RSF1: variants seen among roughly 807,000 people sequenced by gnomAD.
RSF1 encodes the protein HBV pX-associated protein 8.
RSF1 carries 13 observed loss-of-function variants against 145.2 expected under a neutral mutation model. The observed-to-expected ratio is 0.09, with a 90% CI of 0.06 to 0.14. The LOEUF (loss-of-function observed/expected upper bound fraction) is 0.14, where lower values mean the gene tolerates loss of function less well. RSF1 is among the 10% of genes least tolerant of loss of function. RSF1 has a pLI of 1.00. For synonymous variants in RSF1, 577 were observed against 592.6 expected (o/e 0.97, Z 0.38); for missense variants, 1,517 against 1,718.2 (o/e 0.88, Z 2.07).
the RSF1 span, among the ~76,000 whole-genome samples, chr11:77,827,510 T>C: frequency 6.6e-4 from 100 of 152,294 alleles, no homozygotes; most frequent in African/African-American, 2.4e-3. Flanking sequence ...TTGTAATATA[T>C]TTACAGAATA....
chr11:77,820,002 G>C (rs1303096832), intron 1 of RSF1, among the ~76,000 whole-genome samples: 2 of 152,188 alleles, frequency 1.3e-5, no homozygotes, highest in African/African-American at 4.8e-5. Context: ...AGGGAGAGTT[G>C]AGTGTCCGCT....
intron 2 of RSF1, among the ~76,000 whole-genome samples, 170 bp from the exon 3 acceptor site, chr11:77,747,298 A>G (rs1948012120): frequency 6.6e-6 from 1 of 152,226 alleles, no homozygotes; most frequent in African/African-American, 2.4e-5. Context: ...ATGATAAAAA[A>G]TATTTACTAT....
chr11:77,692,035 C>T (rs1019421611), intron 8 of RSF1, among the ~76,000 whole-genome samples: 3 of 151,960 alleles, frequency 2.0e-5, no homozygotes, highest in Non-Finnish European at 2.9e-5. Context: ...GGATTACAGG[C>T]GTGTGCCACC....
chr11:77,689,814 T>A (rs1189857590), intron 9 of RSF1, among the ~76,000 whole-genome samples: 1 of 152,194 alleles, frequency 6.6e-6, no homozygotes, highest in East Asian at 1.9e-4. Context: ...TTGTCCTGAT[T>A]ATGAATCCCC....
At chr11:77,792,162 G>A (rs948394252) in intron 1 of RSF1, among the ~76,000 whole-genome samples, 1 of 152,208 alleles carries the variant, frequency 6.6e-6, no homozygotes, top group Non-Finnish European at 1.5e-5. Flanking sequence ...GTGGCAGGCA[G>A]AGAGAGCTTG....
intron 3 of RSF1, among the ~76,000 whole-genome samples, chr11:77,744,749 T>C (rs938204826): frequency 2.0e-5 from 3 of 152,248 alleles, no homozygotes; most frequent in Admixed American, 6.5e-5. Flanking sequence ...TCTGTGTTCA[T>C]TGGGAATATT....
intron 1 of RSF1, chr11:77,813,821 AC>A: frequency 4.4e-5 from 1 of 22,490 alleles, no homozygotes. Flanking sequence ...TTGTAAAAGG[AC>A]ACACACACAC....
rs150024260 is a variant in RSF1, at chr11:77,700,800, T to C, written c.2429A>G (p.Glu810Gly). 6.2e-7 allele frequency: 1 copy of C among 1,611,194 alleles called. No homozygotes were observed. Residue 810 changes from glutamate to glycine, a missense_variant, in exon 6 of 16, where the codon GAG becomes GGG. Around this residue, in one of 12 missense-constraint regions of RSF1, gnomAD observed 579 missense variants for 553.5 expected, o/e 1.05. Coordinates refer to ENST00000308488, the MANE Select transcript of RSF1 (RefSeq NM_016578.4). ...GTCAGTTTTTTGCAAAGCTGTTGACTCTTCTTCCACCTCATCTTCTCCTTC... is the reference window on the plus strand; with the variant it reads ...GTCAGTTTTTTGCAAAGCTGTTGACCCTTCTTCCACCTCATCTTCTCCTTC... ...RGEGEDEVEE[E>G]STALQKTDKK...
At chr11:77,824,044 C>G (rs747727518), upstream of RSF1, among the ~76,000 whole-genome samples, 20 of 152,126 alleles carry the variant, frequency 1.3e-4, no homozygotes, top group Non-Finnish European at 2.4e-4. Flanking sequence ...GAAACAGAGT[C>G]CTTTGGCATC....
chr11:77,734,747 A>T, intron 4 of RSF1: 1 of 1,524,674 alleles, frequency 6.6e-7, no homozygotes, highest in East Asian at 2.2e-5. Flanking sequence ...CCGCTCTCCC[A>T]GTCATCACAG....
At chr11:77,786,735 G>GA (rs935790493) in intron 1 of RSF1, among the ~76,000 whole-genome samples, 1 of 151,012 alleles carries the variant, frequency 6.6e-6, no homozygotes, top group African/African-American at 2.4e-5. Context: ...CAGTAAAAAA[G>GA]AAAAAAAAGT....
chr11:77,682,925 G>A (rs139368464), intron 11 of RSF1, among the ~76,000 whole-genome samples: 1 of 152,302 alleles, frequency 6.6e-6, no homozygotes, highest in African/African-American at 2.4e-5. Flanking sequence ...GAGTGTAAGG[G>A]AGAATGTGAT....
rs550260440 is a variant in RSF1 at position 77,728,972 on chromosome 11, T to C, written c.579-3273A>G. On this transcript the variant is annotated intron_variant, in intron 4 of 15. Coordinates refer to ENST00000308488, the MANE Select transcript of RSF1 (RefSeq NM_016578.4). ...AGTGATCAAATTCTAGATACAATCA[T>C]GCATGAAGAGCTGATTGGATTTGCT... 5.9e-5 allele frequency among the ~76,000 whole-genome samples: 9 copies of C among 152,146 alleles called. No individual in the cohort carries two copies. The South Asian group carries it at 1.4e-3, about 25-fold the overall frequency.
chr11:77,833,555 G>T, the RSF1 span, among the ~76,000 whole-genome samples: 2 of 152,162 alleles, frequency 1.3e-5, no homozygotes, highest in Non-Finnish European at 2.9e-5. Context: ...CTCACCTGCT[G>T]CTTACCTCCT....
chr11:77,705,542 C>T (rs1398683522), intron 5 of RSF1, among the ~76,000 whole-genome samples: 2 of 152,222 alleles, frequency 1.3e-5, no homozygotes, highest in Admixed American at 6.5e-5. Context: ...CTATTCTCCT[C>T]TTCCTTTTTA....
chr11:77,702,700 A>T, intron 5 of RSF1: 1 of 369,056 alleles, frequency 2.7e-6, no homozygotes, highest in East Asian at 4.1e-5. Flanking sequence ...TATTAAAAAA[A>T]ATTTAGAAAA....
chr11:77,845,158 G>T, the RSF1 span, among the ~76,000 whole-genome samples: 1 of 152,028 alleles, frequency 6.6e-6, no homozygotes, highest in Non-Finnish European at 1.5e-5. Context: ...ATTTGGGGAA[G>T]TTTAGAGCCA....
chr11:77,813,411 A>G, intron 1 of RSF1: 2 of 1,227,122 alleles, frequency 1.6e-6, no homozygotes, highest in South Asian at 1.2e-5. Flanking sequence ...TGTGCAAGTC[A>G]ATGAGTCGCT....
rs112635618 is a variant in RSF1, at chr11:77,740,115, C to A, written c.578+616G>T. ...TAAAGGCTGGGCCTGGTGGCCAACG[C>A]CTGTAATCCCAGCACTTTGGGAGGC... On this transcript the variant is annotated intron_variant, in intron 4 of 15. Coordinates refer to ENST00000308488, the MANE Select transcript of RSF1 (RefSeq NM_016578.4). Among the ~76,000 whole-genome samples the A allele has an allele frequency of 1.3e-3, 198 of 152,376 alleles. 2 individuals carry two copies. The highest frequency in any genetic ancestry group is 4.6e-3 in the African/African-American group (192 of 41,594).
Sources: allele counts gnomAD v4.1 joint callset (sites outside exome capture counted in the v4.1 genomes callset), GRCh38; gene constraint gnomAD v4.1.1; regional missense constraint gnomAD v4.1.1; transcripts MANE v1.5; gene names NCBI Gene and HGNC (gene_info 2026-07-23, HGNC 2026-07-21).